KCP: variants seen among roughly 807,000 people sequenced by gnomAD.
KCP encodes kielin/chordin-like protein.
A neutral mutation model predicts 212.7 loss-of-function variants in KCP; 194 were observed. The observed-to-expected ratio is 0.91, with a 90% CI of 0.81 to 1.03. The LOEUF is 1.03. Among genes scored for constraint, KCP ranks in the 50% least tolerant of loss-of-function variants. The pLI, the probability that KCP is intolerant of heterozygous loss-of-function variation, is 0.00. For missense variants in KCP, 2,080 were observed against 2,162.5 expected (o/e 0.96, Z 0.76); for synonymous variants, 833 against 865.3 (o/e 0.96, Z 0.65).
chr7:128,890,511 A>G lies in KCP; in HGVS notation c.2167T>C (p.Cys723Arg). 6.5e-7 allele frequency: 1 copy of G among 1,546,544 alleles called. No individual in the cohort carries two copies. Among genetic ancestry groups the G allele is most frequent in the Non-Finnish European group, 8.7e-7 (1 of 1,145,562 alleles). Residue 723 changes from cysteine to arginine, a missense_variant and splice_region_variant, in exon 21 of 40, where the codon TGC becomes CGC. Coordinates refer to ENST00000610776, the MANE Select transcript of KCP (RefSeq NM_001366122.1). ...QGPCCPSCDG[C>R]LYQGKEFASG... ...GCAAACTCCTTCCCCTGGTACAGGC[A>G]GCCTGGGGAGAAGGGCAGGGGCTGG... is the stretch of plus-strand genomic sequence containing the variant.
intron 16 of KCP, among the ~76,000 whole-genome samples, 151 bp from the exon 17 acceptor site, chr7:128,891,970 T>C (rs1794178269): frequency 6.6e-6 from 1 of 152,056 alleles, no homozygotes; most frequent in Non-Finnish European, 1.5e-5. Context: ...TGCAGGCATG[T>C]GTATCGTTGT....
intron 1 of KCP, among the ~76,000 whole-genome samples, chr7:128,909,164 T>A (rs1795303189): frequency 6.6e-6 from 1 of 152,148 alleles, no homozygotes; most frequent in Admixed American, 6.5e-5. Context: ...GGGCGGCCAC[T>A]TTCACCTTTT....
intron 11 of KCP, 80 bp from the exon 12 acceptor site, chr7:128,893,556 C>T (rs1019613530): frequency 8.6e-7 from 1 of 1,156,538 alleles, no homozygotes; most frequent in African/African-American, 1.5e-5. Flanking sequence ...GTGTCCAACC[C>T]CCACCCTGAC....
intron 7 of KCP, 38 bp from the exon 8 acceptor site, chr7:128,902,897 G>A: frequency 2.0e-6 from 3 of 1,469,382 alleles, no homozygotes; most frequent in Non-Finnish European, 2.8e-6. Context: ...GGCCTGGTGG[G>A]AGCTGGCCTG....
intron 13 of KCP, 103 bp downstream of exon 13, chr7:128,893,135 G>A: frequency 8.2e-7 from 1 of 1,218,674 alleles, no homozygotes; most frequent in Non-Finnish European, 1.2e-6. Context: ...AGAATGGCTA[G>A]TGGACTTAGC....
chr7:128,910,657 G>GCGGCCC lies in KCP; in HGVS notation c.14_19dup (p.Gly5_Ala6dup). ...GAGGTGCAGGAGAAGGGACAGCGCA[G>GCGGCCC]CGGCCCCGACCCCGGCCATGCTAGC... On this transcript the variant is annotated inframe_insertion, in exon 1 of 40. Coordinates refer to ENST00000610776, the MANE Select transcript of KCP (RefSeq NM_001366122.1). 2.0e-6 allele frequency: 3 copies of GCGGCCC among 1,510,358 alleles called. No homozygotes were observed. The highest frequency in any genetic ancestry group is 2.6e-6 in the Non-Finnish European group (3 of 1,136,490). The allele number at this position is 1,510,358 out of a possible 1,614,324, so 93.6% of individuals were successfully genotyped here.
chr7:128,896,504 G>A (rs1238139938), intron 8 of KCP, among the ~76,000 whole-genome samples: 2 of 152,148 alleles, frequency 1.3e-5, no homozygotes, highest in Non-Finnish European at 2.9e-5. Flanking sequence ...ACGGCTATGG[G>A]TGACAGGATT....
In KCP at chr7:128,879,564, C is replaced by T. The variant is rs1419285381; in HGVS notation, c.4104G>A (p.Leu1368=). The T allele has an allele frequency of 6.4e-7, 1 of 1,550,490 alleles. No homozygotes were observed. The highest frequency in any genetic ancestry group is 8.7e-7 in the Non-Finnish European group (1 of 1,146,972). Residue 1368 remains leucine (L), a synonymous_variant, in exon 37 of 40, where the codon CTG becomes CTA. Transcript: ENST00000610776. ...CGTGCAGGATCACAGTGTGTCCTCG[C>T]AGCTCCACATACAGCAGCGGCTCCT... ...FLQEPLLYVE[L]RGHTVILHAQ...
intron 15 of KCP, 30 bp from the exon 16 acceptor site, chr7:128,892,637 G>A: frequency 6.4e-7 from 1 of 1,551,082 alleles, no homozygotes; most frequent in Non-Finnish European, 8.7e-7. Context: ...AGAGCAATCG[G>A]GGCATGCCCA....
intron 24 of KCP, 33 bp downstream of exon 24, chr7:128,886,843 G>T: frequency 1.4e-6 from 2 of 1,421,018 alleles, no homozygotes; most frequent in Non-Finnish European, 1.9e-6. Flanking sequence ...GCGGGGAAGG[G>T]CATGGGGGCC....
chr7:128,884,642 T>C, intron 28 of KCP, 139 bp downstream of exon 28: 1 of 788,732 alleles, frequency 1.3e-6, no homozygotes, highest in Admixed American at 2.2e-5. Flanking sequence ...CCCTGCCTTG[T>C]CTCCTGGCCA....
Position 128,884,050 on chromosome 7 carries a change from T to TG in KCP, c.3195dup (p.Ser1066GlnfsTer21), listed in dbSNP as rs374429628. 1,073 of 1,546,236 alleles carry TG rather than the reference T, an allele frequency of 6.9e-4. 7 individuals carry two copies. The African/African-American group carries it at 0.011, about 16-fold the overall frequency. ...TGGGGCCCAGGGGGCAGGAGCTGGCTGGGGGGGCAGCCCACCAGGCTGGGA... is the reference window on the plus strand; with the variant it reads ...TGGGGCCCAGGGGGCAGGAGCTGGCTGGGGGGGGCAGCCCACCAGGCTGGGA... On this transcript the variant is annotated frameshift_variant, in exon 29 of 40. Coordinates refer to ENST00000610776, the MANE Select transcript of KCP (RefSeq NM_001366122.1). LOFTEE classifies it high-confidence loss of function.
At position 128,879,833 on chromosome 7, in the gene KCP, T is replaced by G; in HGVS notation, c.3933-4A>C. On this transcript the variant is annotated splice_region_variant and splice_polypyrimidine_tract_variant and intron_variant, in intron 35 of 39. Coordinates refer to ENST00000610776, the MANE Select transcript of KCP (RefSeq NM_001366122.1). The stretch of plus-strand genomic sequence containing the variant: ...GTCATCATTGGTCACGTGCACACTG[T>G]GGGCAGGAAAGTCCCAGGTGCCAAT... 1 of 1,550,994 alleles carries G rather than the reference T, an allele frequency of 6.4e-7. No individual in the cohort carries two copies. Among genetic ancestry groups the G allele is most frequent in the Non-Finnish European group, 8.7e-7 (1 of 1,146,952 alleles).
In KCP at chr7:128,881,921, A is replaced by G. The variant is rs1793357551; in HGVS notation, c.3324+16T>C. ...AGAAGAGGGGCTCTGTGAGTCCCCAAGGCAGGAGGGCTCACCTGGCACTGG... is the reference window on the plus strand; with the variant it reads ...AGAAGAGGGGCTCTGTGAGTCCCCAGGGCAGGAGGGCTCACCTGGCACTGG... On this transcript the variant is annotated intron_variant, in intron 30 of 39. Coordinates refer to ENST00000610776, the MANE Select transcript of KCP (RefSeq NM_001366122.1). 3.2e-6 allele frequency: 5 copies of G among 1,550,246 alleles called. No homozygotes were observed. Among genetic ancestry groups the G allele is most frequent in the African/African-American group, 2.7e-5 (2 of 73,110 alleles).
rs76872290 is a variant in KCP, at chr7:128,891,175, C to T, written c.1972+10G>A. The T allele has an allele frequency of 0.075, 115,597 of 1,541,366 alleles. 4,681 individuals carry two copies. Among genetic ancestry groups the T allele is most frequent in the African/African-American group, 0.092 (6,737 of 73,046 alleles). On this transcript the variant is annotated intron_variant, in intron 19 of 39. Coordinates refer to ENST00000610776, the MANE Select transcript of KCP (RefSeq NM_001366122.1). The stretch of plus-strand genomic sequence containing the variant: ...CCCAGGGAGGAGCAGCCGAGGGGTG[C>T]GGCCCCTACCTGGGCACTGCGGGCA...
In KCP at chr7:128,882,556, T is replaced by C. The variant is rs916847176; in HGVS notation, c.3245-540A>G. Among the ~76,000 whole-genome samples, 28 of 152,168 alleles carry C rather than the reference T, an allele frequency of 1.8e-4. 1 individual carries two copies. The highest frequency in any genetic ancestry group is 4.4e-5 in the Non-Finnish European group (3 of 68,032). ...ACTTTATTAAGAGCACCAAGTACAG[T>C]CTGTGGCATGGAACAGGTGCTTAAT... is the stretch of plus-strand genomic sequence containing the variant. On this transcript the variant is annotated intron_variant, in intron 29 of 39. Transcript: ENST00000610776.
intron 6 of KCP, 72 bp downstream of exon 6, chr7:128,903,984 C>A: frequency 7.0e-7 from 1 of 1,438,348 alleles, no homozygotes; most frequent in Non-Finnish European, 9.6e-7. Context: ...GGAGGAGTGG[C>A]AGGCAGGGCC....
In KCP at chr7:128,879,965, GGAA is replaced by G. The variant is rs1793220379; in HGVS notation, c.3877_3879del (p.Phe1293del). On this transcript the variant is annotated inframe_deletion, in exon 35 of 40. Transcript: ENST00000610776. The stretch of plus-strand genomic sequence containing the variant: ...GCCAGCACATAGCTGCAACTGCCCT[GGAA>G]GTGCAGCAGGCGGCCGTCGAAGGTG... 1 of 1,550,880 alleles carries G rather than the reference GGAA, an allele frequency of 6.4e-7. No homozygotes were observed. The highest frequency in any genetic ancestry group is 1.4e-5 in the African/African-American group (1 of 73,170).
At chr7:128,891,916 C>A in intron 16 of KCP, 97 bp from the exon 17 acceptor site, 1 of 897,134 alleles carries the variant, frequency 1.1e-6, no homozygotes, top group Non-Finnish European at 1.6e-6. Flanking sequence ...CACTTGGAAG[C>A]TGACTCGAGG....
Sources: allele counts gnomAD v4.1 joint callset (sites outside exome capture counted in the v4.1 genomes callset), GRCh38; gene constraint gnomAD v4.1.1; transcripts MANE v1.5; gene names NCBI Gene and HGNC (gene_info 2026-07-23, HGNC 2026-07-21).